Variants in ADORA2B observed in about 807,000 individuals in gnomAD.
ADORA2B encodes the protein adenosine A2b receptor.
ADORA2B carries 18 observed loss-of-function variants against 20.8 expected under a neutral mutation model. The observed-to-expected ratio is 0.87, with a 90% CI of 0.60 to 1.29. The LOEUF is 1.29. Among genes scored for constraint, ADORA2B ranks in the 50% most tolerant of loss-of-function variants. The pLI is 0.00. For missense variants in ADORA2B, 441 were observed against 422.7 expected, an observed-to-expected ratio of 1.04 and a Z score of -0.38; for synonymous variants, 179 against 178.3, an observed-to-expected ratio of 1.00 and a Z score of -0.03.
chr17:15,902,473 C>T, the ADORA2B span, among the ~76,000 whole-genome samples: 1 of 152,240 alleles, frequency 6.6e-6, no homozygotes, highest in Non-Finnish European at 1.5e-5. Flanking sequence ...GCTGGGATTA[C>T]AGGCATGAGC....
the ADORA2B span, among the ~76,000 whole-genome samples, chr17:15,917,691 G>C: frequency 6.6e-6 from 1 of 152,234 alleles, no homozygotes; most frequent in Non-Finnish European, 1.5e-5. Flanking sequence ...CGCCGGTGAC[G>C]GGGGCTCTGC....
At chr17:15,968,507 C>T (rs1970148157) in intron 1 of ADORA2B, among the ~76,000 whole-genome samples, 2 of 152,210 alleles carry the variant, frequency 1.3e-5, no homozygotes, top group Admixed American at 1.3e-4. Context: ...TCCTTGAGGA[C>T]TGCCTCCCAG....
the ADORA2B span, among the ~76,000 whole-genome samples, chr17:15,884,695 T>A: frequency 6.6e-6 from 1 of 152,132 alleles, no homozygotes; most frequent in Non-Finnish European, 1.5e-5. Flanking sequence ...CCTGTATTAG[T>A]TTGCTGAGGA....
intron 1 of ADORA2B, among the ~76,000 whole-genome samples, chr17:15,956,201 T>A (rs1278565903): frequency 6.6e-6 from 1 of 152,254 alleles, no homozygotes; most frequent in East Asian, 1.9e-4. Context: ...TTAAATTGAC[T>A]TTGAAAAACA....
intron 1 of ADORA2B, 104 bp downstream of exon 1, chr17:15,945,687 G>T (rs964585556): frequency 2.6e-6 from 3 of 1,136,060 alleles, no homozygotes; most frequent in Non-Finnish European, 3.6e-6. Flanking sequence ...AGACGGGCCA[G>T]GCTGGGGGCG....
At chr17:15,938,636 G>A in the ADORA2B span, among the ~76,000 whole-genome samples, 3 of 152,250 alleles carry the variant, frequency 2.0e-5, no homozygotes, top group East Asian at 5.8e-4. Flanking sequence ...TTCCCAGTAG[G>A]AGCAATATTG....
chr17:15,897,694 T>G, the ADORA2B span, among the ~76,000 whole-genome samples: 1 of 152,176 alleles, frequency 6.6e-6, no homozygotes, highest in Admixed American at 6.5e-5. Context: ...AATAGACATT[T>G]TAAAAGACGT....
intron 1 of ADORA2B, among the ~76,000 whole-genome samples, chr17:15,949,455 G>A (rs1414813404): frequency 1.3e-5 from 2 of 152,140 alleles, no homozygotes; most frequent in South Asian, 2.1e-4. Flanking sequence ...AGAGGTTGCC[G>A]TGAGCCAGGA....
chr17:15,859,456 T>A, the ADORA2B span, among the ~76,000 whole-genome samples: 2 of 151,140 alleles, frequency 1.3e-5, no homozygotes, highest in Admixed American at 6.6e-5. Flanking sequence ...CCATAATTGG[T>A]GGCTGTGAGC....
chr17:15,862,211 C>CTTTTTTTTTTTTTTTTTTTTTT, the ADORA2B span, among the ~76,000 whole-genome samples: 11 of 96,286 alleles, frequency 1.1e-4, no homozygotes, highest in Non-Finnish European at 1.5e-4. Context: ...CTTTTCTTTT[C>CTTTTTTTTTTTTTTTTTTTTTT]TTTTTTTTTT....
At chr17:15,873,129 T>A in the ADORA2B span, among the ~76,000 whole-genome samples, 1 of 152,256 alleles carries the variant, frequency 6.6e-6, no homozygotes, top group African/African-American at 2.4e-5. Flanking sequence ...CTGAACTTTG[T>A]TGAATGCTCT....
chr17:15,867,911 C>T, the ADORA2B span, among the ~76,000 whole-genome samples: 5 of 151,578 alleles, frequency 3.3e-5, no homozygotes, highest in Non-Finnish European at 7.4e-5. Context: ...ATGACAATGG[C>T]GGTTTTGTGG....
intron 1 of ADORA2B, among the ~76,000 whole-genome samples, chr17:15,950,976 A>G (rs1969894157): frequency 6.6e-6 from 1 of 152,170 alleles, no homozygotes; most frequent in Non-Finnish European, 1.5e-5. Context: ...CAGGGGCCTT[A>G]CACCCCAGGA....
chr17:15,853,718 A>G, the ADORA2B span, among the ~76,000 whole-genome samples: 2 of 152,226 alleles, frequency 1.3e-5, no homozygotes, highest in African/African-American at 4.8e-5. Flanking sequence ...TCTCCCAAAC[A>G]TTTAAGGAAG....
At chr17:15,965,993 A>G (rs78903917) in intron 1 of ADORA2B, among the ~76,000 whole-genome samples, 2 of 152,194 alleles carry the variant, frequency 1.3e-5, no homozygotes, top group Non-Finnish European at 2.9e-5. Context: ...GTCCCAAAAG[A>G]TTTTGTTAGT....
At chr17:15,951,912 C>T (rs930043091) in intron 1 of ADORA2B, among the ~76,000 whole-genome samples, 1 of 152,208 alleles carries the variant, frequency 6.6e-6, no homozygotes, top group African/African-American at 2.4e-5. Context: ...TGGAGCTGCT[C>T]CCAGAGGGCA....
At chr17:15,961,279 GA>G (rs537170795) in intron 1 of ADORA2B, among the ~76,000 whole-genome samples, 12,792 of 144,928 alleles carry the variant, frequency 0.088, 1,754 homozygotes, top group African/African-American at 0.3. Flanking sequence ...TTTTCTTGGG[GA>G]AAAAAAAAAA....
chr17:15,952,099 GAA>G (rs1017435489), intron 1 of ADORA2B, among the ~76,000 whole-genome samples: 33 of 151,816 alleles, frequency 2.2e-4, no homozygotes, highest in African/African-American at 8.0e-4. Context: ...GAGGGTAAAT[GAA>G]AAAAAAGTCA....
At chr17:15,880,114 C>T in the ADORA2B span, among the ~76,000 whole-genome samples, 1 of 144,156 alleles carries the variant, frequency 6.9e-6, no homozygotes, top group African/African-American at 2.7e-5. Context: ...TGGTCTGAGG[C>T]CCGCCATCGA....
Sources: gnomAD v4.1 joint callset for allele counts (sites outside exome capture counted in the v4.1 genomes callset) on GRCh38, gnomAD v4.1.1 for gene constraint, MANE v1.5 for transcripts, NCBI Gene and HGNC (gene_info 2026-07-23, HGNC 2026-07-21) for gene names.